ABHD18: variants seen among roughly 807,000 people sequenced by gnomAD.
The protein encoded by ABHD18 is abhydrolase domain containing 18.
In ABHD18, 55 loss-of-function variants were observed where a neutral mutation model predicts 65.9. The ratio of observed to expected loss-of-function variants is 0.84; its 90% CI spans 0.67 to 1.05. The LOEUF is 1.05. ABHD18 is among the 50% of genes least tolerant of loss of function. The pLI is 0.00. For missense variants in ABHD18, 533 were observed against 558.5 expected (o/e 0.95, Z 0.46); for synonymous variants, 181 against 180.2 (o/e 1.00, Z -0.04).
chr4:128,028,038 A>G (rs1404873847), intron 10 of ABHD18, among the ~76,000 whole-genome samples: 1 of 152,240 alleles, frequency 6.6e-6, no homozygotes, highest in African/African-American at 2.4e-5. Context: ...GTTCAGTGGC[A>G]TTAAGTATAT....
chr4:128,001,671 C>T (rs1752649120), intron 4 of ABHD18: 1 of 1,523,446 alleles, frequency 6.6e-7, no homozygotes. Context: ...AAATAACTTC[C>T]TTCAGAATTT....
chr4:128,019,544 C>G (rs904162198), intron 8 of ABHD18, among the ~76,000 whole-genome samples: 4 of 152,298 alleles, frequency 2.6e-5, no homozygotes, highest in African/African-American at 9.6e-5. Flanking sequence ...CTGATTCCTC[C>G]AGCCCAGAAG....
At chr4:127,969,204 CTT>C (rs372720678) in intron 1 of ABHD18, among the ~76,000 whole-genome samples, 4 of 139,006 alleles carry the variant, frequency 2.9e-5, no homozygotes, top group African/African-American at 2.6e-5. Flanking sequence ...TTTCTTTTTT[CTT>C]TTTTTTTTTT....
At chr4:128,021,819 T>G (rs1034675284) in intron 10 of ABHD18, among the ~76,000 whole-genome samples, 2 of 151,716 alleles carry the variant, frequency 1.3e-5, no homozygotes, top group African/African-American at 4.9e-5. Flanking sequence ...TTCAAATGTG[T>G]CCTAATCACA....
chr4:127,992,191 G>T (rs1006664369), intron 4 of ABHD18, among the ~76,000 whole-genome samples: 3 of 152,136 alleles, frequency 2.0e-5, no homozygotes, highest in African/African-American at 7.2e-5. Flanking sequence ...AAGGAATGAG[G>T]CCGGGCACGG....
intron 4 of ABHD18, among the ~76,000 whole-genome samples, chr4:127,992,860 T>C (rs537280987): frequency 6.6e-6 from 1 of 152,234 alleles, no homozygotes; most frequent in South Asian, 2.1e-4. Flanking sequence ...CTTTTAGATA[T>C]GCTTTATCTT....
chr4:128,014,458 A>G (rs1755138121), intron 7 of ABHD18, among the ~76,000 whole-genome samples: 1 of 152,154 alleles, frequency 6.6e-6, no homozygotes, highest in South Asian at 2.1e-4. Flanking sequence ...GAATTGTAAC[A>G]TTTGTTTACT....
At chr4:128,014,776 C>T (rs1033013623) in intron 7 of ABHD18, among the ~76,000 whole-genome samples, 1 of 148,996 alleles carries the variant, frequency 6.7e-6, no homozygotes, top group Admixed American at 6.7e-5. Context: ...AAATATACCC[C>T]CCGCCCCTAA....
At chr4:127,984,821 T>C (rs1380870777) in intron 3 of ABHD18, among the ~76,000 whole-genome samples, 1 of 152,166 alleles carries the variant, frequency 6.6e-6, no homozygotes, top group Non-Finnish European at 1.5e-5. Context: ...GATCACGCCT[T>C]TGCATTCCAG....
chr4:127,985,839 TA>T (rs553840681), intron 3 of ABHD18, among the ~76,000 whole-genome samples: 8 of 148,414 alleles, frequency 5.4e-5, no homozygotes, highest in African/African-American at 4.9e-5. Flanking sequence ...CCATCTCTAC[TA>T]AAAAAAAAAT....
At chr4:128,032,225 A>G (rs1267826573) in intron 12 of ABHD18, among the ~76,000 whole-genome samples, 1 of 152,218 alleles carries the variant, frequency 6.6e-6, no homozygotes, top group African/African-American at 2.4e-5. Flanking sequence ...CCCTTTACAC[A>G]GAATAAAGGG....
chr4:128,014,054 G>T (rs1560900744), intron 7 of ABHD18, among the ~76,000 whole-genome samples: 1 of 137,058 alleles, frequency 7.3e-6, no homozygotes, highest in Non-Finnish European at 1.5e-5. Context: ...CGTGATCTCT[G>T]CTCTCTGCAA....
At chr4:127,993,769 A>G (rs894133033) in intron 4 of ABHD18, among the ~76,000 whole-genome samples, 3 of 152,116 alleles carry the variant, frequency 2.0e-5, no homozygotes, top group African/African-American at 4.8e-5. Flanking sequence ...CTAATTCCTT[A>G]TGGTGCACAT....
chr4:128,008,504 A>G (rs1754017628), intron 4 of ABHD18, among the ~76,000 whole-genome samples: 1 of 151,630 alleles, frequency 6.6e-6, no homozygotes, highest in Non-Finnish European at 1.5e-5. Context: ...CGAACTCTCA[A>G]CCTCAGGTGA....
At chr4:127,993,127 T>C (rs1751201295) in intron 4 of ABHD18, among the ~76,000 whole-genome samples, 1 of 152,140 alleles carries the variant, frequency 6.6e-6, no homozygotes, top group South Asian at 2.1e-4. Context: ...CTTTAGCCAG[T>C]ATGCTAAAGG....
chr4:128,037,963 T>C lies in ABHD18; in HGVS notation c.*2150T>C, dbSNP rs1340760035. On this transcript the variant is annotated 3_prime_UTR_variant, in exon 13 of 13. Transcript: ENST00000645843. ...ATTGTGTGAAGTTTTACAGTAGGTATTTTTGAGTTTTGTTTGAAATCTGTG... is the reference window on the plus strand; with the variant it reads ...ATTGTGTGAAGTTTTACAGTAGGTACTTTTGAGTTTTGTTTGAAATCTGTG... 6.6e-6 allele frequency: 1 copy of C among 152,172 alleles called. No homozygotes were observed. 9.4% of individuals were successfully genotyped at this position (152,172 alleles called of 1,614,324 possible). A position where few individuals can be genotyped will look rare whatever the true frequency, so the allele number is the denominator to read the frequency against.
chr4:127,971,075 C>CAA (rs201291341), intron 1 of ABHD18, among the ~76,000 whole-genome samples: 8 of 110,042 alleles, frequency 7.3e-5, no homozygotes, highest in South Asian at 2.8e-4. Flanking sequence ...GACTCTGTCT[C>CAA]AAAAAAAAAA....
intron 6 of ABHD18, among the ~76,000 whole-genome samples, 160 bp from the exon 7 acceptor site, chr4:128,011,509 ATAAT>A (rs1754572641): frequency 1.3e-5 from 2 of 151,866 alleles, no homozygotes; most frequent in South Asian, 2.1e-4. Flanking sequence ...AAAAAGGAAA[ATAAT>A]TAAGTTGAAA....
intron 4 of ABHD18, among the ~76,000 whole-genome samples, chr4:128,006,813 G>A (rs976869740): frequency 6.6e-6 from 1 of 152,166 alleles, no homozygotes; most frequent in Non-Finnish European, 1.5e-5. Context: ...GGACACGTGT[G>A]GTGACTCATG....
Sources: gnomAD v4.1 joint callset for allele counts (sites outside exome capture counted in the v4.1 genomes callset) on GRCh38, gnomAD v4.1.1 for gene constraint, MANE v1.5 for transcripts, NCBI Gene and HGNC (gene_info 2026-07-23, HGNC 2026-07-21) for gene names.